IBTK: variants seen among roughly 807,000 people sequenced by gnomAD.
The protein encoded by IBTK is inhibitor of Bruton tyrosine kinase, also known as BTK-binding protein.
In IBTK, 83 loss-of-function variants were observed where a neutral mutation model predicts 154.9. The ratio of observed to expected loss-of-function variants is 0.54; its 90% CI spans 0.45 to 0.64. The LOEUF (loss-of-function observed/expected upper bound fraction) is 0.64, where lower values mean the gene tolerates loss of function less well. Ranked by LOEUF, IBTK falls within the 30% of genes least tolerant of loss-of-function variation. The probability of loss-of-function intolerance (pLI) is 0.00; values close to 1 mark genes in which losing one functional copy is unlikely to be tolerated. For synonymous variants in IBTK, 515 were observed against 536.1 expected (o/e 0.96, Z 0.54); for missense variants, 1,332 against 1,584.6 (o/e 0.84, Z 2.71).
At chr6:82,211,441 G>A (rs1238650194) in intron 14 of IBTK, 37 bp from the exon 15 acceptor site, 1 of 1,602,642 alleles carries the variant, frequency 6.2e-7, no homozygotes, top group Non-Finnish European at 8.5e-7. Flanking sequence ...TAAGAATAGT[G>A]AAACAATACT....
intron 3 of IBTK, among the ~76,000 whole-genome samples, chr6:82,233,482 T>C (rs1452834824): frequency 6.6e-6 from 1 of 152,134 alleles, no homozygotes; most frequent in Non-Finnish European, 1.5e-5. Context: ...ATTATAACAG[T>C]CCTCCCATTT....
At chr6:82,205,006 T>C (rs377023030) in intron 16 of IBTK, 48 bp from the exon 17 acceptor site, 2 of 1,221,180 alleles carry the variant, frequency 1.6e-6, no homozygotes, top group African/African-American at 1.5e-5. Flanking sequence ...GTATACATTA[T>C]ACCTAGAAAA....
chr6:82,239,424 G>A (rs555161558), intron 2 of IBTK, among the ~76,000 whole-genome samples: 54 of 152,076 alleles, frequency 3.6e-4, no homozygotes, highest in African/African-American at 1.1e-3. Flanking sequence ...CAGCCTCGGC[G>A]ACAGAGCGAA....
intron 12 of IBTK, among the ~76,000 whole-genome samples, chr6:82,213,210 G>A (rs1242281709): frequency 6.6e-6 from 1 of 152,022 alleles, no homozygotes; most frequent in African/African-American, 2.4e-5. Flanking sequence ...GTAATTTTTT[G>A]TAGAGACAGG....
At chr6:82,236,136 A>G (rs1334275226) in intron 2 of IBTK, among the ~76,000 whole-genome samples, 2 of 152,270 alleles carry the variant, frequency 1.3e-5, no homozygotes, top group East Asian at 3.9e-4. Context: ...GGCCTCCCAA[A>G]GTGCTGGAAT....
At chr6:82,203,420 T>A (rs2127809107) in intron 17 of IBTK, among the ~76,000 whole-genome samples, 1 of 152,250 alleles carries the variant, frequency 6.6e-6, no homozygotes, top group South Asian at 2.1e-4. Context: ...ACATCTGGCT[T>A]CTTGCATTTC....
At chr6:82,189,078 A>AAT (rs2127802032) in intron 25 of IBTK, 1 of 429,814 alleles carries the variant, frequency 2.3e-6, no homozygotes, top group East Asian at 7.5e-5. Flanking sequence ...TAGGGGGACC[A>AAT]ATATCTGACT....
Position 82,188,883 on chromosome 6 carries a change from A to G in IBTK, c.3575+2190T>C, listed in dbSNP as rs992206374. 9 of 241,794 alleles carry G rather than the reference A, an allele frequency of 3.7e-5. No individual in the cohort carries two copies. In the East Asian group the frequency reaches 1.3e-3, roughly 35 times the overall value. The allele number at this position is 241,794 out of a possible 1,614,324, so 15.0% of individuals were successfully genotyped here. A position where few individuals can be genotyped will look rare whatever the true frequency, so the allele number is the denominator to read the frequency against. On this transcript the variant is annotated intron_variant, in intron 25 of 28. Coordinates refer to ENST00000306270, the MANE Select transcript of IBTK (RefSeq NM_015525.4). ...TGTTTCTACTAAAAATACAAAAATT[A>G]GCCGGGTGTGGTGGTAGGCATCTGT... is the stretch of plus-strand genomic sequence containing the variant.
intron 1 of IBTK, among the ~76,000 whole-genome samples, chr6:82,245,978 A>G (rs898919329): frequency 2.0e-5 from 3 of 152,200 alleles, no homozygotes; most frequent in Non-Finnish European, 4.4e-5. Context: ...TGTTTTATAC[A>G]TTATACACAG....
Position 82,210,868 on chromosome 6 carries a change from T to C in IBTK, c.2455A>G (p.Ile819Val). 1.9e-6 allele frequency: 3 copies of C among 1,578,120 alleles called. No homozygotes were observed. Among genetic ancestry groups the C allele is most frequent in the Non-Finnish European group, 2.6e-6 (3 of 1,163,596 alleles). Residue 819 changes from isoleucine (I) to valine (V), a missense_variant, in exon 16 of 29, where the codon ATA becomes GTA. Transcript: ENST00000306270. ...AGGTAGTCCAAAATAACTTTTAATA[T>C]ATCAGAATGTATTGGCATTTCCAGA... is the stretch of plus-strand genomic sequence containing the variant. ...AALEMPIHSD[I>V]LKVILDYLYT... is the part of the protein sequence containing the mutation.
At chr6:82,231,505 ATATCT>A (rs1490051002) in intron 4 of IBTK, among the ~76,000 whole-genome samples, 1 of 152,186 alleles carries the variant, frequency 6.6e-6, no homozygotes, top group African/African-American at 2.4e-5. Context: ...AATTGCACAA[ATATCT>A]TATATTTTAG....
intron 26 of IBTK, among the ~76,000 whole-genome samples, chr6:82,174,015 G>A (rs1183696344): frequency 6.6e-6 from 1 of 152,164 alleles, no homozygotes; most frequent in African/African-American, 2.4e-5. Context: ...AAAGCAGTAA[G>A]AAGCATTCCA....
intron 21 of IBTK, among the ~76,000 whole-genome samples, chr6:82,198,854 C>T (rs900540347): frequency 2.0e-5 from 3 of 151,904 alleles, no homozygotes; most frequent in Non-Finnish European, 2.9e-5. Context: ...GAATGTGAGA[C>T]AGTCTATAAC....
chr6:82,216,818 G>A (rs927138021), intron 10 of IBTK, among the ~76,000 whole-genome samples: 1 of 152,090 alleles, frequency 6.6e-6, no homozygotes, highest in Admixed American at 6.6e-5. Flanking sequence ...TAGCAGGGAA[G>A]ACAGACATTA....
Position 82,205,078 on chromosome 6 carries a change from A to C in IBTK, c.2510-120T>G, listed in dbSNP as rs1769350604. 4 of 477,032 alleles carry C rather than the reference A, an allele frequency of 8.4e-6. No individual in the cohort carries two copies. In the Admixed American group the frequency reaches 1.2e-4, roughly 14 times the overall value. 29.5% of individuals were successfully genotyped at this position (477,032 alleles called of 1,614,324 possible). ...TTAAGTAAAAAAAAAATTTGAAGTAATTAGTACACTAGAAAAGAGATTTAA... is the reference window on the plus strand; with the variant it reads ...TTAAGTAAAAAAAAAATTTGAAGTACTTAGTACACTAGAAAAGAGATTTAA... On this transcript the variant is annotated intron_variant, in intron 16 of 28. Transcript: ENST00000306270.
In IBTK at chr6:82,201,404, T is replaced by A. The variant is rs755987883; in HGVS notation, c.2790+18A>T. ...TGGTAATATTATAGCCGCGAAAATC[T>A]TAAAACATAAACCTTACCATTTTCC... On this transcript the variant is annotated intron_variant, in intron 19 of 28. Transcript: ENST00000306270. The A allele has an allele frequency of 6.3e-6, 10 of 1,588,884 alleles. No homozygotes were observed. The South Asian group carries it at 9.1e-5, about 14-fold the overall frequency.
At chr6:82,241,721 TA>T (rs1435396496) in intron 1 of IBTK, among the ~76,000 whole-genome samples, 1 of 152,188 alleles carries the variant, frequency 6.6e-6, no homozygotes, top group Non-Finnish European at 1.5e-5. Flanking sequence ...AAAATTACAT[TA>T]AAAAGTTTAA....
intron 8 of IBTK, among the ~76,000 whole-genome samples, chr6:82,223,030 C>T (rs1040512062): frequency 2.6e-5 from 4 of 151,516 alleles, no homozygotes; most frequent in Non-Finnish European, 5.9e-5. Flanking sequence ...AACACTAAGC[C>T]TGGTTAGAGG....
rs577621034 is a variant in IBTK, at chr6:82,247,121, G to A, written c.-358+441C>T. On this transcript the variant is annotated intron_variant, in intron 1 of 28. Transcript: ENST00000306270. ...CATAGCAATCAATGTCCACTTATCA[G>A]ATTTCACGACCTGCTTCCCCAGAGT... Among the ~76,000 whole-genome samples the A allele has an allele frequency of 5.3e-5, 8 of 152,282 alleles. No homozygotes were observed. The East Asian group carries it at 1.5e-3, about 29-fold the overall frequency.
Sources: allele counts gnomAD v4.1 joint callset (sites outside exome capture counted in the v4.1 genomes callset), GRCh38; gene constraint gnomAD v4.1.1; transcripts MANE v1.5; gene names NCBI Gene and HGNC (gene_info 2026-07-23, HGNC 2026-07-21).